Variants in SETD7 observed in about 807,000 individuals in gnomAD.
The protein encoded by SETD7 is SET domain containing 7, histone lysine methyltransferase.
In SETD7, 16 loss-of-function variants were observed where a neutral mutation model predicts 41.8. The ratio of observed to expected loss-of-function variants is 0.38; its 90% confidence interval spans 0.26 to 0.58. The LOEUF is 0.58. Ranked by LOEUF, SETD7 falls within the 20% of genes least tolerant of loss-of-function variation. The probability of loss-of-function intolerance (pLI) is 0.64; values close to 1 mark genes in which losing one functional copy is unlikely to be tolerated. For synonymous variants in SETD7, 163 were observed against 169.7 expected, an observed-to-expected ratio of 0.96 and a Z score of 0.31; for missense variants, 346 against 459.7, an observed-to-expected ratio of 0.75 and a Z score of 2.26.
downstream of SETD7, among the ~76,000 whole-genome samples, chr4:139,503,409 G>A (rs1221721444): frequency 1.3e-5 from 2 of 152,040 alleles, no homozygotes; most frequent in African/African-American, 2.4e-5. Context: ...GAGCCCAGCT[G>A]CCCGGCTTCA....
At chr4:139,549,461 G>A (rs1728048666) in intron 1 of SETD7, among the ~76,000 whole-genome samples, 1 of 151,700 alleles carries the variant, frequency 6.6e-6, no homozygotes, top group South Asian at 2.1e-4. Context: ...GGATAGTACT[G>A]ATCCCAGTTG....
chr4:139,541,111 A>C (rs17050816), intron 2 of SETD7, among the ~76,000 whole-genome samples: 7 of 152,298 alleles, frequency 4.6e-5, no homozygotes, highest in African/African-American at 1.4e-4. Flanking sequence ...TTAAAATCAA[A>C]TTGGCATGTG....
intron 7 of SETD7, among the ~76,000 whole-genome samples, chr4:139,514,886 C>T (rs984644195): frequency 1.3e-5 from 2 of 152,160 alleles, no homozygotes; most frequent in Non-Finnish European, 2.9e-5. Flanking sequence ...CATATCAGGG[C>T]CAGGCATGGT....
intron 4 of SETD7, among the ~76,000 whole-genome samples, chr4:139,526,254 T>C (rs1299222505): frequency 6.6e-6 from 1 of 151,548 alleles, no homozygotes; most frequent in Non-Finnish European, 1.5e-5. Context: ...TAATTCCCTT[T>C]AGAATTCTCA....
chr4:139,543,071 G>A (rs1727824120), intron 2 of SETD7, among the ~76,000 whole-genome samples: 1 of 152,160 alleles, frequency 6.6e-6, no homozygotes, highest in African/African-American at 2.4e-5. Flanking sequence ...CAGCATAACA[G>A]GTTTCAACAA....
At chr4:139,504,311 A>G (rs1208821045), downstream of SETD7, among the ~76,000 whole-genome samples, 1 of 152,254 alleles carries the variant, frequency 6.6e-6, no homozygotes, top group Admixed American at 6.5e-5. Context: ...TAAATAAACA[A>G]AACTTAAGGA....
At chr4:139,539,295 T>A (rs1192826024) in intron 2 of SETD7, among the ~76,000 whole-genome samples, 1 of 152,216 alleles carries the variant, frequency 6.6e-6, no homozygotes, top group Non-Finnish European at 1.5e-5. Flanking sequence ...AATTGAATTG[T>A]GACCCTTAGT....
chr4:139,528,101 C>T (rs1727382573), intron 4 of SETD7, among the ~76,000 whole-genome samples: 1 of 152,152 alleles, frequency 6.6e-6, no homozygotes, highest in South Asian at 2.1e-4. Context: ...CAGACCAATT[C>T]AAATAGCTTT....
At chr4:139,500,048 G>C (rs532793687) in intron 7 of SETD7, among the ~76,000 whole-genome samples, 1 of 152,200 alleles carries the variant, frequency 6.6e-6, no homozygotes, top group African/African-American at 2.4e-5. Flanking sequence ...CATTCTAAAG[G>C]CTCTTGTGTA....
intron 1 of SETD7, among the ~76,000 whole-genome samples, chr4:139,552,995 G>T (rs1728153837): frequency 6.6e-6 from 1 of 152,176 alleles, no homozygotes. Flanking sequence ...ACTCTTCACT[G>T]AACCAGTGTG....
In SETD7 at chr4:139,544,362, G is replaced by GA. The variant is rs371452781; in HGVS notation, c.170+2557dup. On this transcript the variant is annotated intron_variant, in intron 2 of 7. Coordinates refer to ENST00000274031, the MANE Select transcript of SETD7 (RefSeq NM_030648.4). ...GAATGGTGAATTCGTGCCTCAAAAGGAAAAAAAAAATCAATGAATGTATTT... is the reference window on the plus strand; with the variant it reads ...GAATGGTGAATTCGTGCCTCAAAAGGAAAAAAAAAAATCAATGAATGTATTT... Among the ~76,000 whole-genome samples the GA allele has an allele frequency of 3.8e-3, 560 of 147,994 alleles. 8 individuals carry two copies. Among genetic ancestry groups the GA allele is most frequent in the African/African-American group, 0.012 (506 of 40,486 alleles).
intron 5 of SETD7, among the ~76,000 whole-genome samples, chr4:139,520,956 T>G (rs1019213199): frequency 6.6e-6 from 1 of 152,240 alleles, no homozygotes; most frequent in Non-Finnish European, 1.5e-5. Context: ...TGCTCATTTT[T>G]GTAAGTAAAG....
rs1220357078 is a variant in SETD7 at position 139,555,061 on chromosome 4, A to G, written c.40+1037T>C. Among the ~76,000 whole-genome samples, 3 of 152,266 alleles carry G rather than the reference A, an allele frequency of 2.0e-5. No homozygotes were observed. In the East Asian group the frequency reaches 5.8e-4, roughly 29 times the overall value. ...AAAAACATCACGACGTACTGTATGG[A>G]GTGGAACCAAATAAATACGCTAAAG... On this transcript the variant is annotated intron_variant, in intron 1 of 7. Transcript: ENST00000274031. This position sits in a 1 kb window ranked among gnomAD's most constrained non-coding sequence, Gnocchi z 4.0.
chr4:139,531,076 C>T (rs1160779241), intron 3 of SETD7, among the ~76,000 whole-genome samples: 1 of 152,160 alleles, frequency 6.6e-6, no homozygotes, highest in African/African-American at 2.4e-5. Context: ...CAGGGTCTGA[C>T]ACCTACTGAC....
downstream of SETD7, among the ~76,000 whole-genome samples, chr4:139,493,566 T>A (rs1240043260): frequency 1.3e-5 from 2 of 149,198 alleles, no homozygotes; most frequent in Non-Finnish European, 3.0e-5. Flanking sequence ...TGAGACAGGG[T>A]CTCACTCTGT....
At chr4:139,501,661 C>T (rs1311710694), downstream of SETD7, among the ~76,000 whole-genome samples, 1 of 152,200 alleles carries the variant, frequency 6.6e-6, no homozygotes, top group Non-Finnish European at 1.5e-5. Flanking sequence ...AGTTCAGTCA[C>T]TCCCACATCA....
chr4:139,518,133 T>G (rs1727081299), intron 6 of SETD7, 91 bp from the exon 7 acceptor site: 1 of 1,374,864 alleles, frequency 7.3e-7, no homozygotes, highest in African/African-American at 1.5e-5. Context: ...ATCTTATTAT[T>G]ATTTTTGTTT....
Position 139,533,338 on chromosome 4 carries a change from C to T in SETD7, c.199G>A (p.Ala67Thr), listed in dbSNP as rs565252373. The T allele has an allele frequency of 1.2e-6, 2 of 1,614,054 alleles. No individual in the cohort carries two copies. The highest frequency in any genetic ancestry group is 1.1e-5 in the South Asian group (1 of 91,044). The change falls in exon 3 of 8, where the codon GCC becomes ACC. Residue 67 changes from alanine (A) to threonine (T), a missense_variant. By Grantham distance (58) the Ala-to-Thr change is moderately conservative. Around this residue, in one of 3 missense-constraint regions of SETD7, gnomAD observed 266 missense variants for 377.0 expected, o/e 0.71. Transcript: ENST00000274031. ...STLEGYYVDDALQGQGVYTYE... is the reference protein window; with the variant it reads ...STLEGYYVDDTLQGQGVYTYE... ...GTGTAAACTCCCTGGCCCTGCAAGG[C>T]ATCATCCACATAATACCCCTCCAGG...
chr4:139,536,674 T>C (rs1353349852), intron 2 of SETD7, among the ~76,000 whole-genome samples: 1 of 151,858 alleles, frequency 6.6e-6, no homozygotes, highest in East Asian at 1.9e-4. Context: ...ATTGTGCCAC[T>C]GCACTCCAGC....
Sources: allele counts gnomAD v4.1 joint callset (sites outside exome capture counted in the v4.1 genomes callset), GRCh38; gene constraint gnomAD v4.1.1; regional missense constraint gnomAD v4.1.1; non-coding constraint Gnocchi (gnomAD v3.1); transcripts MANE v1.5; gene names NCBI Gene and HGNC (gene_info 2026-07-23, HGNC 2026-07-21).